Variants in ADGRB3 observed in about 807,000 individuals in gnomAD.
ADGRB3 encodes adhesion G protein-coupled receptor B3, also known as brain-specific angiogenesis inhibitor 3.
A neutral mutation model predicts 193.4 loss-of-function variants in ADGRB3; 37 were observed. The ratio of observed to expected loss-of-function variants is 0.19; its 90% CI spans 0.15 to 0.25. The LOEUF (loss-of-function observed/expected upper bound fraction) is 0.25, where lower values mean the gene tolerates loss of function less well. ADGRB3 is among the 10% of genes least tolerant of loss of function. The probability of loss-of-function intolerance (pLI) is 1.00; values close to 1 mark genes in which losing one functional copy is unlikely to be tolerated. For missense variants in ADGRB3, 1,637 were observed against 1,852.9 expected, an observed-to-expected ratio of 0.88 and a Z score of 2.14; for synonymous variants, 690 against 644.2, an observed-to-expected ratio of 1.07 and a Z score of -1.08.
rs1226027600 is a variant in ADGRB3, at chr6:68,730,668, T to G, written c.757+91236T>G. Among the ~76,000 whole-genome samples the G allele has an allele frequency of 7.3e-5, 11 of 151,642 alleles. No homozygotes were observed. The Admixed American group carries it at 7.3e-4, about 10-fold the overall frequency. On this transcript the variant is annotated intron_variant, in intron 3 of 31. Coordinates refer to ENST00000370598, the MANE Select transcript of ADGRB3 (RefSeq NM_001704.3). ...CATTCTTCTTGCAGTTACAGCAGAATAAAAGGAAACCAAAGACGGTAAAAC... is the reference window on the plus strand; with the variant it reads ...CATTCTTCTTGCAGTTACAGCAGAAGAAAAGGAAACCAAAGACGGTAAAAC...
At chr6:68,882,346 G>A (rs1031848669) in intron 3 of ADGRB3, among the ~76,000 whole-genome samples, 4 of 152,140 alleles carry the variant, frequency 2.6e-5, no homozygotes, top group Non-Finnish European at 5.9e-5. Flanking sequence ...ATACTTTCAT[G>A]TATAACATTT....
At chr6:69,114,790 T>A (rs76647655) in intron 17 of ADGRB3, among the ~76,000 whole-genome samples, 1,793 of 152,288 alleles carry the variant, frequency 0.012, 82 homozygotes, top group East Asian at 0.1. Flanking sequence ...TTGCTTCTTT[T>A]TGTCAGGTTT....
intron 17 of ADGRB3, among the ~76,000 whole-genome samples, chr6:69,113,163 A>C (rs1317754473): frequency 6.6e-6 from 1 of 152,194 alleles, no homozygotes; most frequent in Non-Finnish European, 1.5e-5. Context: ...CCCTTGGGTG[A>C]GTACTGGAAC....
chr6:69,009,275 G>A (rs925128771), intron 11 of ADGRB3, among the ~76,000 whole-genome samples: 4 of 152,020 alleles, frequency 2.6e-5, no homozygotes, highest in African/African-American at 7.2e-5. Context: ...ACAGTACCAC[G>A]AGAAAAAGAA....
intron 3 of ADGRB3, among the ~76,000 whole-genome samples, chr6:68,840,369 CTT>C (rs752625602): frequency 1.0e-4 from 7 of 69,418 alleles, no homozygotes; most frequent in East Asian, 7.4e-4. Context: ...ACTGGGCAGT[CTT>C]TTTTTTTTTT....
chr6:68,894,905 C>T (rs1268057146), intron 3 of ADGRB3, among the ~76,000 whole-genome samples: 2 of 151,552 alleles, frequency 1.3e-5, no homozygotes, highest in African/African-American at 4.8e-5. Context: ...TATAATCAGA[C>T]AAGATCCCAT....
chr6:68,926,684 T>A lies in ADGRB3; in HGVS notation c.758-3875T>A, dbSNP rs552836811. 5.3e-5 allele frequency among the ~76,000 whole-genome samples: 8 copies of A among 152,270 alleles called. No individual in the cohort carries two copies. The South Asian group carries it at 1.7e-3, about 32-fold the overall frequency. ...TACAGTAATGACTCTTATCTCCTCA[T>A]CTATCGATGTGCTTGTCTGTATGTT... On this transcript the variant is annotated intron_variant, in intron 3 of 31. Coordinates refer to ENST00000370598, the MANE Select transcript of ADGRB3 (RefSeq NM_001704.3).
At chr6:69,158,973 A>T (rs1465713261) in intron 17 of ADGRB3, among the ~76,000 whole-genome samples, 5 of 152,174 alleles carry the variant, frequency 3.3e-5, no homozygotes, top group Non-Finnish European at 2.9e-5. Context: ...TTCCTCCAGC[A>T]TCCAACGCCC....
intron 3 of ADGRB3, among the ~76,000 whole-genome samples, chr6:68,871,121 A>G (rs900237223): frequency 6.6e-6 from 1 of 152,216 alleles, no homozygotes; most frequent in African/African-American, 2.4e-5. Context: ...AGCATATAAA[A>G]GATCAGAGAC....
chr6:68,656,236 CAA>C (rs1044693204), intron 3 of ADGRB3, among the ~76,000 whole-genome samples: 7 of 151,456 alleles, frequency 4.6e-5, no homozygotes, highest in African/African-American at 1.7e-4. Context: ...ATATTACAAA[CAA>C]GAGAATTAGA....
At chr6:69,023,670 T>A (rs2150289619) in intron 13 of ADGRB3, among the ~76,000 whole-genome samples, 1 of 152,264 alleles carries the variant, frequency 6.6e-6, no homozygotes, top group South Asian at 2.1e-4. Context: ...AGAGTTGTGC[T>A]TTGGTAGAAC....
At chr6:68,893,399 G>A (rs1450829226) in intron 3 of ADGRB3, among the ~76,000 whole-genome samples, 3 of 151,694 alleles carry the variant, frequency 2.0e-5, no homozygotes, top group African/African-American at 7.3e-5. Context: ...CCTTGTCTGA[G>A]ACATATCTTT....
intron 3 of ADGRB3, among the ~76,000 whole-genome samples, chr6:68,852,075 T>C (rs1364028703): frequency 2.0e-5 from 3 of 151,944 alleles, no homozygotes; most frequent in Non-Finnish European, 4.4e-5. Context: ...CCTTGCACTT[T>C]ATTCCAGTTG....
intron 30 of ADGRB3, among the ~76,000 whole-genome samples, chr6:69,374,607 G>A (rs1487483764): frequency 6.6e-6 from 1 of 151,970 alleles, no homozygotes; most frequent in African/African-American, 2.4e-5. Flanking sequence ...GTCATACCAG[G>A]GGAATAGCCC....
chr6:69,001,265 C>A (rs914233729), intron 11 of ADGRB3, among the ~76,000 whole-genome samples: 1 of 152,156 alleles, frequency 6.6e-6, no homozygotes, highest in African/African-American at 2.4e-5. Context: ...AATGGCATGT[C>A]CATTAGAAAA....
At chr6:69,345,784 G>A (rs1359176326) in intron 26 of ADGRB3, among the ~76,000 whole-genome samples, 1 of 152,100 alleles carries the variant, frequency 6.6e-6, no homozygotes, top group Admixed American at 6.5e-5. Flanking sequence ...GAAATAAAGG[G>A]TATTCAAACA....
chr6:68,849,541 A>G (rs1320509321), intron 3 of ADGRB3, among the ~76,000 whole-genome samples: 1 of 151,974 alleles, frequency 6.6e-6, no homozygotes, highest in Non-Finnish European at 1.5e-5. Flanking sequence ...CCAATTTTTA[A>G]AGAAATATAT....
At chr6:69,188,265 G>A (rs1187296525) in intron 17 of ADGRB3, among the ~76,000 whole-genome samples, 1 of 151,922 alleles carries the variant, frequency 6.6e-6, no homozygotes, top group Non-Finnish European at 1.5e-5. Context: ...TTTTCTGGGA[G>A]TTATTATCCA....
intron 12 of ADGRB3, among the ~76,000 whole-genome samples, chr6:69,017,692 G>C (rs1368234032): frequency 1.3e-5 from 2 of 151,762 alleles, no homozygotes; most frequent in Non-Finnish European, 2.9e-5. Flanking sequence ...ATGCATAGAT[G>C]GACAGTTAGG....
Sources: allele counts gnomAD v4.1 joint callset (sites outside exome capture counted in the v4.1 genomes callset), GRCh38; gene constraint gnomAD v4.1.1; transcripts MANE v1.5; gene names NCBI Gene and HGNC (gene_info 2026-07-23, HGNC 2026-07-21).